STEAP1: variants seen among roughly 807,000 people sequenced by gnomAD.
The protein encoded by STEAP1 is STEAP family member 1.
Under a neutral mutation model 34.4 loss-of-function variants are expected in STEAP1, and 30 were observed. The ratio of observed to expected loss-of-function variants is 0.87; its 90% CI spans 0.65 to 1.18. The LOEUF (loss-of-function observed/expected upper bound fraction) is 1.18. STEAP1 is among the 50% of genes most tolerant of loss of function. The pLI, the probability that STEAP1 is intolerant of heterozygous loss-of-function variation, is 0.00. For missense variants in STEAP1, 318 were observed against 391.1 expected, an observed-to-expected ratio of 0.81 and a Z score of 1.58; for synonymous variants, 116 against 135.3, an observed-to-expected ratio of 0.86 and a Z score of 0.99.
intron 1 of STEAP1, among the ~76,000 whole-genome samples, chr7:90,159,511 G>A (rs1383301565): frequency 6.6e-6 from 1 of 152,164 alleles, no homozygotes; most frequent in Non-Finnish European, 1.5e-5. Context: ...ATGCATACAG[G>A]CACCTGGGTT....
intron 1 of STEAP1, among the ~76,000 whole-genome samples, chr7:90,157,548 A>C (rs13240234): frequency 1.3e-5 from 2 of 152,238 alleles, no homozygotes; most frequent in African/African-American, 2.4e-5. Context: ...TTCTGTGACC[A>C]GGGAATGAGC....
At chr7:90,160,157 C>T (rs1434248449) in intron 2 of STEAP1, among the ~76,000 whole-genome samples, 1 of 151,738 alleles carries the variant, frequency 6.6e-6, no homozygotes, top group Non-Finnish European at 1.5e-5. Context: ...CCAGATCATC[C>T]CCAAGGCCCT....
At position 90,164,790 on chromosome 7, in the gene STEAP1, T is replaced by G; in HGVS notation, c.*56T>G. ...ATTGATATATTTTATCACCAACATT[T>G]CAAGTTTGTATTTGTTAATAAAATG... On this transcript the variant is annotated 3_prime_UTR_variant, in exon 5 of 5. Coordinates refer to ENST00000297205, the MANE Select transcript of STEAP1 (RefSeq NM_012449.3). The G allele has an allele frequency of 6.8e-7, 1 of 1,460,708 alleles. No homozygotes were observed. Among genetic ancestry groups the G allele is most frequent in the Non-Finnish European group, 9.1e-7 (1 of 1,093,498 alleles). 90.5% of individuals were successfully genotyped at this position (1,460,708 alleles called of 1,614,324 possible).
At chr7:90,155,326 A>G (rs1794105353) in intron 1 of STEAP1, among the ~76,000 whole-genome samples, 2 of 152,176 alleles carry the variant, frequency 1.3e-5, no homozygotes, top group Admixed American at 1.3e-4. Context: ...TTGAAAGTAT[A>G]AAAGGTTGGA....
At chr7:90,164,377 T>A in intron 4 of STEAP1, 100 bp from the exon 5 acceptor site, 1 of 1,334,632 alleles carries the variant, frequency 7.5e-7, no homozygotes, top group East Asian at 2.4e-5. Context: ...AAAACAATCA[T>A]AGATAAAGGA....
chr7:90,163,075 C>T (rs1013240022), intron 4 of STEAP1: 5 of 385,912 alleles, frequency 1.3e-5, no homozygotes, highest in African/African-American at 2.1e-5. Context: ...TGCCAATTAC[C>T]GTTTATGGGT....
Position 90,159,670 on chromosome 7 carries a change from TTAAG to T in STEAP1, c.-31-80_-31-77del, listed in dbSNP as rs1184256267. The T allele has an allele frequency of 2.3e-5, 15 of 656,472 alleles. No individual in the cohort carries two copies. In the South Asian group the frequency reaches 3.1e-4, roughly 13 times the overall value. The allele number at this position is 656,472 out of a possible 1,614,324, so 40.7% of individuals were successfully genotyped here. The stretch of plus-strand genomic sequence containing the variant: ...TGTATTTTATCTGCCATTCTAGTCT[TTAAG>T]TAAGTAAATTTTTTATATTGTTACA... On this transcript the variant is annotated intron_variant, in intron 1 of 4. Transcript: ENST00000297205.
At position 90,162,024 on chromosome 7, in the gene STEAP1, A is replaced by T; in HGVS notation, c.708A>T (p.Thr236=). Residue 236 remains threonine, a synonymous_variant, in exon 4 of 5, where the codon ACA becomes ACT. Transcript: ENST00000297205. ...GLAILALLAV[T]SIPSVSDSLT... is the part of the protein sequence containing the mutation. ...CAATACTGGCTCTGTTGGCTGTGAC[A>T]TCTATTCCATCTGTGAGTGACTCTT... 1 of 1,613,886 alleles carries T rather than the reference A, an allele frequency of 6.2e-7. No individual in the cohort carries two copies. The highest frequency in any genetic ancestry group is 8.5e-7 in the Non-Finnish European group (1 of 1,179,836).
intron 1 of STEAP1, among the ~76,000 whole-genome samples, chr7:90,156,982 AC>A (rs992804731): frequency 6.6e-6 from 1 of 152,334 alleles, no homozygotes; most frequent in African/African-American, 2.4e-5. Context: ...TGGTTAAGTC[AC>A]CAAATGACTT....
chr7:90,155,310 G>A (rs1414607176), intron 1 of STEAP1, among the ~76,000 whole-genome samples: 1 of 152,004 alleles, frequency 6.6e-6, no homozygotes, highest in Non-Finnish European at 1.5e-5. Context: ...TAAAACAAGT[G>A]TGCACTTGAA....
At chr7:90,158,887 C>T (rs1344112625) in intron 1 of STEAP1, among the ~76,000 whole-genome samples, 1 of 152,196 alleles carries the variant, frequency 6.6e-6, no homozygotes, top group Non-Finnish European at 1.5e-5. Flanking sequence ...TAAAAAAGTA[C>T]TACACGTGGT....
intron 4 of STEAP1, 108 bp downstream of exon 4, chr7:90,162,186 A>C: frequency 7.0e-7 from 1 of 1,429,838 alleles, no homozygotes; most frequent in Non-Finnish European, 9.2e-7. Flanking sequence ...TTTCAACAGC[A>C]AAGATCTTAT....
chr7:90,161,882 C>T, intron 3 of STEAP1, 32 bp from the exon 4 acceptor site: 2 of 1,575,564 alleles, frequency 1.3e-6, no homozygotes, highest in Non-Finnish European at 1.7e-6. Flanking sequence ...CTGTTGTTTG[C>T]ATTTCTTCTT....
chr7:90,159,512 C>A (rs1794155263), intron 1 of STEAP1, among the ~76,000 whole-genome samples: 1 of 152,196 alleles, frequency 6.6e-6, no homozygotes, highest in South Asian at 2.1e-4. Context: ...TGCATACAGG[C>A]ACCTGGGTTA....
chr7:90,159,805 A>T lies in STEAP1; in HGVS notation c.17A>T (p.Asp6Val), dbSNP rs562459272. MESRK[D>V]ITNQEELWKM... is the part of the protein sequence containing the mutation. Reference sequence around the variant, plus strand: ...ATAGAATTAATGGAAAGCAGAAAAGACATCACAAACCAAGAAGAACTTTGG... The same window carrying T: ...ATAGAATTAATGGAAAGCAGAAAAGTCATCACAAACCAAGAAGAACTTTGG... Residue 6 changes from aspartate (D) to valine (V), a missense_variant, in exon 2 of 5, where the codon GAC becomes GTC. By Grantham distance (152) the Asp-to-Val change is radical (BLOSUM62 -3). Coordinates refer to ENST00000297205, the MANE Select transcript of STEAP1 (RefSeq NM_012449.3). 6.4e-7 allele frequency: 1 copy of T among 1,562,720 alleles called. No individual in the cohort carries two copies. The highest frequency in any genetic ancestry group is 8.6e-7 in the Non-Finnish European group (1 of 1,157,130).
At chr7:90,156,620 A>G (rs1207300229) in intron 1 of STEAP1, among the ~76,000 whole-genome samples, 3 of 152,252 alleles carry the variant, frequency 2.0e-5, no homozygotes, top group Admixed American at 2.0e-4. Context: ...TGCACATGCA[A>G]GGGATCTAGG....
In STEAP1 at chr7:90,160,866, C is replaced by G. The variant is rs1794173438; in HGVS notation, c.146C>G (p.Thr49Arg). ...CCTGTGCTTTTGCATTTGCACCAAA[C>G]AGCCCATGCTGATGAATTTGACTGC... The part of the protein sequence containing the change: ...KRPVLLHLHQ[T>R]AHADEFDCPS... The change falls in exon 3 of 5, where the codon ACA becomes AGA. Residue 49 changes from threonine to arginine, a missense_variant. Physicochemically the swap from Thr to Arg is moderately conservative, Grantham distance 71. Coordinates refer to ENST00000297205, the MANE Select transcript of STEAP1 (RefSeq NM_012449.3). 1 of 1,613,892 alleles carries G rather than the reference C, an allele frequency of 6.2e-7. No homozygotes were observed. Among genetic ancestry groups the G allele is most frequent in the African/African-American group, 1.3e-5 (1 of 74,942 alleles).
intron 1 of STEAP1, among the ~76,000 whole-genome samples, chr7:90,154,799 G>A (rs1413674300): frequency 6.6e-6 from 1 of 152,244 alleles, no homozygotes; most frequent in African/African-American, 2.4e-5. Context: ...CTCACAGGAA[G>A]CCTTTTCGCT....
chr7:90,159,542 G>C lies in STEAP1; in HGVS notation c.-31-216G>C, dbSNP rs1794155608. On this transcript the variant is annotated intron_variant, in intron 1 of 4. Transcript: ENST00000297205. Reference sequence around the variant, plus strand: ...GGGTTATTCATTGAACAAATAAGTAGATAAAGAAGAGCAGTTACTGTTGAT... The same window carrying C: ...GGGTTATTCATTGAACAAATAAGTACATAAAGAAGAGCAGTTACTGTTGAT... Among the ~76,000 whole-genome samples the C allele has an allele frequency of 2.0e-5, 3 of 152,170 alleles. No individual in the cohort carries two copies. In the South Asian group the frequency reaches 6.2e-4, roughly 32 times the overall value.
Sources: allele counts gnomAD v4.1 joint callset (sites outside exome capture counted in the v4.1 genomes callset), GRCh38; gene constraint gnomAD v4.1.1; transcripts MANE v1.5; gene names NCBI Gene and HGNC (gene_info 2026-07-23, HGNC 2026-07-21).